The following MCF2L2 variants were observed in gnomAD, a reference collection of about 807,000 sequenced individuals.
The protein encoded by MCF2L2 is probable guanine nucleotide exchange factor MCF2L2.
In MCF2L2, 102 loss-of-function variants were observed where a neutral mutation model predicts 150.2. The ratio of observed to expected loss-of-function variants is 0.68; its 90% CI spans 0.58 to 0.80. MCF2L2 has a LOEUF of 0.80. Among genes scored for constraint, MCF2L2 ranks in the 30% least tolerant of loss-of-function variants. The pLI is 0.00. For synonymous variants in MCF2L2, 465 were observed against 491.3 expected (o/e 0.95, Z 0.71); for missense variants, 1,256 against 1,372.8 (o/e 0.91, Z 1.34).
In MCF2L2 at chr3:183,428,436, A is replaced by G. The variant is rs1213726148; in HGVS notation, c.-459T>C. On this transcript the variant is annotated 5_prime_UTR_variant, in exon 1 of 30. Coordinates refer to ENST00000328913, the MANE Select transcript of MCF2L2 (RefSeq NM_015078.4). The surrounding 1 kb of genome is among the most constrained non-coding windows in gnomAD (Gnocchi z 5.1). ...CTCTGCGCCGCCGGCCCCACGCCCC[A>G]GCGCCCACCTCGTCCAGCCCACGGG... Among the ~76,000 whole-genome samples, 3 of 152,090 alleles carry G rather than the reference A, an allele frequency of 2.0e-5. 1 individual carries two copies. The East Asian group carries it at 5.8e-4, about 30-fold the overall frequency.
chr3:183,307,453 T>C (rs1729153330), intron 10 of MCF2L2, among the ~76,000 whole-genome samples: 1 of 152,224 alleles, frequency 6.6e-6, no homozygotes, highest in African/African-American at 2.4e-5. Context: ...GAAGCAAGTT[T>C]AGAAATAAGA....
Position 183,230,928 on chromosome 3 carries a change from C to A in MCF2L2, c.1929+23G>T, listed in dbSNP as rs757994178. 88 of 1,574,862 alleles carry A rather than the reference C, an allele frequency of 5.6e-5. No individual in the cohort carries two copies. The Middle Eastern group carries it at 2.5e-3, about 45-fold the overall frequency. On this transcript the variant is annotated intron_variant, in intron 16 of 29. Transcript: ENST00000328913. ...CTGCAGTTTGAATATATGCTTGATA[C>A]CCCACTCCCCAAATCTACTTACATC...
At chr3:183,387,210 A>G (rs1050515699) in intron 2 of MCF2L2, among the ~76,000 whole-genome samples, 1 of 151,230 alleles carries the variant, frequency 6.6e-6, no homozygotes, top group Non-Finnish European at 1.5e-5. Flanking sequence ...GGCTGCAGTG[A>G]GCCAAGACGG....
intron 4 of MCF2L2, among the ~76,000 whole-genome samples, chr3:183,340,112 C>T (rs564948923): frequency 3.3e-5 from 5 of 152,280 alleles, no homozygotes; most frequent in East Asian, 1.9e-4. Flanking sequence ...ACAATCCATG[C>T]GGCAATGGGA....
At chr3:183,358,251 C>T (rs934287693) in intron 3 of MCF2L2, among the ~76,000 whole-genome samples, 1 of 152,134 alleles carries the variant, frequency 6.6e-6, no homozygotes, top group African/African-American at 2.4e-5. Context: ...CAAGATCCCA[C>T]CATTGCACGC....
intron 3 of MCF2L2, among the ~76,000 whole-genome samples, chr3:183,366,818 G>T (rs1712549923): frequency 6.6e-6 from 1 of 152,164 alleles, no homozygotes; most frequent in South Asian, 2.1e-4. Flanking sequence ...AATTATAAGA[G>T]CAGACCAGAG....
chr3:183,272,335 G>GTGAC, intron 15 of MCF2L2: 1 of 1,000,248 alleles, frequency 1.0e-6, no homozygotes, highest in Non-Finnish European at 1.2e-6. Context: ...TTCAGCAAGA[G>GTGAC]TGACTGAACT....
chr3:183,295,961 TAAAC>T lies in MCF2L2; in HGVS notation c.1498-488_1498-485del, dbSNP rs138934079. Among the ~76,000 whole-genome samples, 46 of 152,044 alleles carry T rather than the reference TAAAC, an allele frequency of 3.0e-4. No individual in the cohort carries two copies. The South Asian group carries it at 7.9e-3, about 26-fold the overall frequency. ...CGACAGAGCGACTCCATCTCAGAAA[TAAAC>T]AAACAAACAAACAATTAGAATACAA... is the stretch of plus-strand genomic sequence containing the variant. On this transcript the variant is annotated intron_variant, in intron 12 of 29. Coordinates refer to ENST00000328913, the MANE Select transcript of MCF2L2 (RefSeq NM_015078.4).
At chr3:183,249,421 C>G (rs1026211674) in intron 15 of MCF2L2, among the ~76,000 whole-genome samples, 1 of 152,242 alleles carries the variant, frequency 6.6e-6, no homozygotes, top group Non-Finnish European at 1.5e-5. Context: ...GTCCCTGTCC[C>G]TGTCCCTGAG....
At chr3:183,395,249 T>C (rs1486227114) in intron 1 of MCF2L2, among the ~76,000 whole-genome samples, 1 of 152,212 alleles carries the variant, frequency 6.6e-6, no homozygotes, top group Non-Finnish European at 1.5e-5. Context: ...CCAATCATTA[T>C]ACAAGTATAA....
intron 15 of MCF2L2, among the ~76,000 whole-genome samples, chr3:183,249,471 T>C (rs78944044): frequency 0.016 from 2,428 of 152,280 alleles, 61 homozygotes; most frequent in African/African-American, 0.056. Flanking sequence ...AGAGATTTCC[T>C]TATGCGTTGG....
chr3:183,386,489 G>A (rs1215572808), intron 2 of MCF2L2, among the ~76,000 whole-genome samples: 1 of 152,194 alleles, frequency 6.6e-6, no homozygotes, highest in African/African-American at 2.4e-5. Flanking sequence ...TACCAGCCGT[G>A]GGAACACATG....
chr3:183,264,269 G>C (rs1458981390), intron 15 of MCF2L2, among the ~76,000 whole-genome samples: 1 of 152,120 alleles, frequency 6.6e-6, no homozygotes, highest in African/African-American at 2.4e-5. Context: ...TACTCCTGCA[G>C]CCACCTAAAT....
intron 5 of MCF2L2, among the ~76,000 whole-genome samples, chr3:183,331,405 C>T (rs1326364503): frequency 6.6e-6 from 1 of 152,188 alleles, no homozygotes; most frequent in Non-Finnish European, 1.5e-5. Context: ...CTTCCTGTGG[C>T]CCCACCAACT....
intron 3 of MCF2L2, among the ~76,000 whole-genome samples, chr3:183,352,999 G>A (rs1304363698): frequency 2.0e-5 from 3 of 152,170 alleles, no homozygotes; most frequent in African/African-American, 4.8e-5. Flanking sequence ...TCGAGGTAAC[G>A]ATGAGAAGGA....
At chr3:183,364,620 A>T (rs1186148654) in intron 3 of MCF2L2, among the ~76,000 whole-genome samples, 1 of 152,200 alleles carries the variant, frequency 6.6e-6, no homozygotes, top group Non-Finnish European at 1.5e-5. Flanking sequence ...TTTTAAAATT[A>T]ACAAAATAAA....
intron 15 of MCF2L2, among the ~76,000 whole-genome samples, chr3:183,247,014 T>G (rs1481407986): frequency 6.6e-6 from 1 of 152,196 alleles, no homozygotes; most frequent in Non-Finnish European, 1.5e-5. Flanking sequence ...TTGGCCCCAG[T>G]GTCTTGCAAG....
intron 15 of MCF2L2, among the ~76,000 whole-genome samples, chr3:183,260,717 A>C (rs532555613): frequency 6.6e-6 from 1 of 152,338 alleles, no homozygotes; most frequent in East Asian, 1.9e-4. Context: ...TAACTTATAA[A>C]GAGATATAAG....
At chr3:183,340,244 T>C (rs1480810900) in intron 4 of MCF2L2, among the ~76,000 whole-genome samples, 1 of 152,218 alleles carries the variant, frequency 6.6e-6, no homozygotes, top group Non-Finnish European at 1.5e-5. Flanking sequence ...TCTAGAGCGA[T>C]CTGAGAGGGA....
Sources: gnomAD v4.1 joint callset for allele counts (sites outside exome capture counted in the v4.1 genomes callset) on GRCh38, gnomAD v4.1.1 for gene constraint, Gnocchi (gnomAD v3.1) non-coding constraint, MANE v1.5 for transcripts, NCBI Gene and HGNC (gene_info 2026-07-23, HGNC 2026-07-21) for gene names.